The following PCDH15 variants were observed in gnomAD, a reference collection of about 807,000 sequenced individuals.
The protein encoded by PCDH15 is protocadherin related 15, also known as protocadherin-15.
Under a neutral mutation model 178.5 loss-of-function variants are expected in PCDH15, and 129 were observed. The observed-to-expected ratio is 0.72, with a 90% CI of 0.63 to 0.84. The LOEUF (loss-of-function observed/expected upper bound fraction) is 0.84. Among genes scored for constraint, PCDH15 ranks in the 40% least tolerant of loss-of-function variants. PCDH15 has a pLI of 0.00. For missense variants in PCDH15, 2,230 were observed against 2,099.9 expected, an observed-to-expected ratio of 1.06 and a Z score of -1.21; for synonymous variants, 800 against 732.0, an observed-to-expected ratio of 1.09 and a Z score of -1.50.
intron 2 of PCDH15, among the ~76,000 whole-genome samples, chr10:55,336,728 C>T (rs988209976): frequency 2.6e-5 from 4 of 152,082 alleles, no homozygotes; most frequent in Non-Finnish European, 5.9e-5. Context: ...AGATCAGACC[C>T]TTTCGCTCTC....
intron 1 of PCDH15, among the ~76,000 whole-genome samples, chr10:54,709,083 A>T (rs946295552): frequency 6.6e-6 from 1 of 152,090 alleles, no homozygotes; most frequent in Non-Finnish European, 1.5e-5. Flanking sequence ...TTAAATTCTT[A>T]CCACCACTGA....
At chr10:53,944,820 AGTGGTTTC>A in intron 23 of PCDH15, among the ~76,000 whole-genome samples, 1 of 152,320 alleles carries the variant, frequency 6.6e-6, no homozygotes, top group Admixed American at 6.5e-5. Context: ...GGGAGAGGCT[AGTGGTTTC>A]ATGTTTTCAT....
chr10:54,249,015 T>TA (rs151097478), intron 8 of PCDH15, among the ~76,000 whole-genome samples: 6,741 of 152,002 alleles, frequency 0.044, 385 homozygotes, highest in African/African-American at 0.13. Context: ...TCTTGGTGAT[T>TA]AAAAAATGAT....
chr10:55,235,376 A>C (rs17533317), intron 1 of PCDH15, among the ~76,000 whole-genome samples: 3,176 of 152,208 alleles, frequency 0.021, 47 homozygotes, highest in Middle Eastern at 0.048. Context: ...AAAATATGGA[A>C]TTATCTTCCA....
chr10:54,128,233 T>TC (rs767352023), intron 15 of PCDH15, among the ~76,000 whole-genome samples: 1 of 152,152 alleles, frequency 6.6e-6, no homozygotes, highest in Non-Finnish European at 1.5e-5. Context: ...TTAGCTAATG[T>TC]CCAGGTGGTA....
At chr10:54,440,870 A>G (rs930361547) in intron 3 of PCDH15, among the ~76,000 whole-genome samples, 1 of 151,890 alleles carries the variant, frequency 6.6e-6, no homozygotes, top group Non-Finnish European at 1.5e-5. Flanking sequence ...TCACAAAACC[A>G]TTGCCAAATT....
intron 7 of PCDH15, among the ~76,000 whole-genome samples, chr10:54,329,347 T>A (rs1197609297): frequency 6.6e-6 from 1 of 151,934 alleles, no homozygotes; most frequent in South Asian, 2.1e-4. Flanking sequence ...TATTTCAGTA[T>A]AGTCTAAAAA....
intron 9 of PCDH15, among the ~76,000 whole-genome samples, chr10:54,223,341 C>A (rs1383879532): frequency 1.4e-5 from 2 of 145,628 alleles, no homozygotes; most frequent in Non-Finnish European, 3.0e-5. Flanking sequence ...TTGTTGCCAA[C>A]CCTAAGGTCA....
At chr10:54,875,309 C>G (rs1840338) in intron 3 of PCDH15, among the ~76,000 whole-genome samples, 145,774 of 152,206 alleles carry the variant, frequency 0.96, 69,912 homozygotes, top group Non-Finnish European at 0.98. Context: ...TGTATGTTCT[C>G]ACTGCTCCAG....
intron 18 of PCDH15, among the ~76,000 whole-genome samples, chr10:54,043,380 T>TCC (rs2093590946): frequency 6.6e-6 from 1 of 151,142 alleles, no homozygotes; most frequent in Non-Finnish European, 1.5e-5. Flanking sequence ...CTGCTCTCTC[T>TCC]CTCTCTCTTT....
rs553527248 is a variant in PCDH15, at chr10:54,152,668, G to A, written c.1784+432C>T. Among the ~76,000 whole-genome samples the A allele has an allele frequency of 5.9e-5, 9 of 151,962 alleles. No homozygotes were observed. In the East Asian group the frequency reaches 7.8e-4, roughly 13 times the overall value. ...TAGAAAGATGCAATTGTAATAGCAG[G>A]AAATCTTTTAGCTTGCTGTGTGTGT... On this transcript the variant is annotated intron_variant, in intron 14 of 37. Coordinates refer to ENST00000644397, the MANE Select transcript of PCDH15 (RefSeq NM_001384140.1).
intron 3 of PCDH15, among the ~76,000 whole-genome samples, chr10:54,897,299 C>T (rs866953844): frequency 5.3e-5 from 8 of 152,150 alleles, no homozygotes; most frequent in Non-Finnish European, 1.0e-4. Context: ...ACAATCACAA[C>T]GTAATTGCAA....
At chr10:55,452,870 A>G (rs1839466246) in intron 2 of PCDH15, among the ~76,000 whole-genome samples, 1 of 152,184 alleles carries the variant, frequency 6.6e-6, no homozygotes, top group Non-Finnish European at 1.5e-5. Flanking sequence ...TATCCTAGTA[A>G]TACCTTCAAA....
intron 2 of PCDH15, among the ~76,000 whole-genome samples, chr10:54,617,847 C>G (rs949536186): frequency 6.7e-6 from 1 of 149,916 alleles, no homozygotes; most frequent in Non-Finnish European, 1.5e-5. Context: ...ATTTCTTGAA[C>G]CCGGGAGGCA....
intron 2 of PCDH15, among the ~76,000 whole-genome samples, chr10:55,140,225 A>T (rs1275400120): frequency 6.6e-6 from 1 of 151,892 alleles, no homozygotes; most frequent in Non-Finnish European, 1.5e-5. Context: ...GCAAATAAGG[A>T]TGGCTTATTG....
chr10:54,421,164 T>C (rs1424157717), intron 3 of PCDH15, among the ~76,000 whole-genome samples: 1 of 152,106 alleles, frequency 6.6e-6, no homozygotes, highest in Non-Finnish European at 1.5e-5. Flanking sequence ...TACGTTTCAA[T>C]ATTACATCTA....
intron 6 of PCDH15, among the ~76,000 whole-genome samples, chr10:54,336,088 C>G (rs1941057486): frequency 6.6e-6 from 1 of 152,010 alleles, no homozygotes; most frequent in Non-Finnish European, 1.5e-5. Flanking sequence ...ATTTGTGGAA[C>G]CTTGAATTTG....
chr10:54,705,603 A>T (rs2095357729), intron 1 of PCDH15, among the ~76,000 whole-genome samples: 1 of 152,192 alleles, frequency 6.6e-6, no homozygotes, highest in Admixed American at 6.6e-5. Context: ...ATAAGTGACC[A>T]TAGCACCACT....
At chr10:54,515,282 T>C (rs1043486345) in intron 3 of PCDH15, among the ~76,000 whole-genome samples, 1 of 152,196 alleles carries the variant, frequency 6.6e-6, no homozygotes, top group African/African-American at 2.4e-5. Context: ...ACCTTAATAC[T>C]GCACTTTTCC....
Sources: gnomAD v4.1 joint callset for allele counts (sites outside exome capture counted in the v4.1 genomes callset) on GRCh38, gnomAD v4.1.1 for gene constraint, MANE v1.5 for transcripts, NCBI Gene and HGNC (gene_info 2026-07-23, HGNC 2026-07-21) for gene names.